SH3D19: variants seen among roughly 807,000 people sequenced by gnomAD.
SH3D19 encodes SH3 domain-containing protein 19.
A neutral mutation model predicts 112.1 loss-of-function variants in SH3D19; 58 were observed. The observed-to-expected ratio is 0.52, with a 90% CI of 0.42 to 0.64. The LOEUF (loss-of-function observed/expected upper bound fraction) is 0.64, where lower values mean the gene tolerates loss of function less well. Among genes scored for constraint, SH3D19 ranks in the 30% least tolerant of loss-of-function variants. The probability of loss-of-function intolerance (pLI) is 0.00; values close to 1 mark genes in which losing one functional copy is unlikely to be tolerated. For synonymous variants in SH3D19, 391 were observed against 448.5 expected, an observed-to-expected ratio of 0.87 and a Z score of 1.62; for missense variants, 1,090 against 1,263.4, an observed-to-expected ratio of 0.86 and a Z score of 2.08.
chr4:151,258,252 T>C (rs1772094989), intron 1 of SH3D19, among the ~76,000 whole-genome samples: 1 of 152,178 alleles, frequency 6.6e-6, no homozygotes, highest in Admixed American at 6.5e-5. Context: ...AGGTAATGAT[T>C]GAGGCACAAA....
At chr4:151,275,527 C>T (rs544950001) in intron 1 of SH3D19, among the ~76,000 whole-genome samples, 2 of 152,142 alleles carry the variant, frequency 1.3e-5, no homozygotes, top group East Asian at 3.9e-4. Flanking sequence ...ATTTTCTGGT[C>T]TTCCATTATT....
At chr4:151,199,153 C>A (rs1305915162) in intron 2 of SH3D19, among the ~76,000 whole-genome samples, 1 of 150,906 alleles carries the variant, frequency 6.6e-6, no homozygotes, top group African/African-American at 2.4e-5. Context: ...CCAAAAGATA[C>A]AGTAAATTTC....
At chr4:151,123,229 G>A (rs1424980488) in intron 19 of SH3D19, among the ~76,000 whole-genome samples, 1 of 152,104 alleles carries the variant, frequency 6.6e-6, no homozygotes, top group Non-Finnish European at 1.5e-5. Flanking sequence ...TGCCAGTGTC[G>A]CATGTCTAGT....
intron 1 of SH3D19, among the ~76,000 whole-genome samples, chr4:151,310,795 C>CTCCTGACCTTAAGCTGGAACG (rs1446496533): frequency 1.3e-5 from 2 of 151,576 alleles, no homozygotes; most frequent in Non-Finnish European, 2.9e-5. Context: ...TGGTCTCGAA[C>CTCCTGACCTTAAGCTGGAACG]TCCTGACCTT....
intron 1 of SH3D19, among the ~76,000 whole-genome samples, chr4:151,260,269 A>T (rs1458653193): frequency 6.6e-6 from 1 of 152,144 alleles, no homozygotes. Flanking sequence ...ATATTTGCTG[A>T]TAACACTCGC....
intron 1 of SH3D19, among the ~76,000 whole-genome samples, chr4:151,254,143 TC>T (rs1771622673): frequency 6.6e-6 from 1 of 152,232 alleles, no homozygotes; most frequent in African/African-American, 2.4e-5. Context: ...AATGAAAATG[TC>T]AGGCAAATGT....
At chr4:151,240,860 G>A (rs999990097) in intron 1 of SH3D19, among the ~76,000 whole-genome samples, 6 of 151,812 alleles carry the variant, frequency 4.0e-5, no homozygotes, top group Non-Finnish European at 7.4e-5. Context: ...AGCATTATTT[G>A]TAATAGCCAA....
At chr4:151,214,362 C>G (rs1367313797) in intron 2 of SH3D19, among the ~76,000 whole-genome samples, 3 of 146,742 alleles carry the variant, frequency 2.0e-5, no homozygotes, top group Non-Finnish European at 4.6e-5. Context: ...TCATCATGGC[C>G]CGTTCTCAAT....
chr4:151,180,704 C>A (rs1208168125), intron 3 of SH3D19, among the ~76,000 whole-genome samples: 1 of 151,530 alleles, frequency 6.6e-6, no homozygotes, highest in Non-Finnish European at 1.5e-5. Context: ...CTGCGCCCGA[C>A]ACATATGGGG....
intron 1 of SH3D19, among the ~76,000 whole-genome samples, chr4:151,301,410 A>G (rs766078368): frequency 6.6e-6 from 1 of 152,204 alleles, no homozygotes; most frequent in Non-Finnish European, 1.5e-5. Context: ...TATTTTTAGT[A>G]GAGACAGGAT....
intron 2 of SH3D19, among the ~76,000 whole-genome samples, chr4:151,222,438 C>T (rs963182963): frequency 6.6e-6 from 1 of 152,164 alleles, no homozygotes; most frequent in Non-Finnish European, 1.5e-5. Context: ...ATCACCCTTA[C>T]ATTAATACTT....
intron 1 of SH3D19, among the ~76,000 whole-genome samples, chr4:151,235,683 G>A (rs1278590065): frequency 6.6e-6 from 1 of 152,194 alleles, no homozygotes; most frequent in Non-Finnish European, 1.5e-5. Context: ...CTACCTGGGA[G>A]GCTGAGGCAT....
chr4:151,120,449 T>C lies in SH3D19; in HGVS notation c.*1642A>G, dbSNP rs1215420998. On this transcript the variant is annotated 3_prime_UTR_variant, in exon 20 of 20. Coordinates refer to ENST00000604030, the MANE Select transcript of SH3D19 (RefSeq NM_001378122.1). ...TGTTAAAATTATAAAGGCAAAGATATATACCTCATGTTCCATTCCATATCC... is the reference window on the plus strand; with the variant it reads ...TGTTAAAATTATAAAGGCAAAGATACATACCTCATGTTCCATTCCATATCC... 1 of 152,566 alleles carries C rather than the reference T, an allele frequency of 6.6e-6. No individual in the cohort carries two copies. Among genetic ancestry groups the C allele is most frequent in the African/African-American group, 2.4e-5 (1 of 41,462 alleles). The allele number at this position is 152,566 out of a possible 1,614,324, so 9.5% of individuals were successfully genotyped here. A position where few individuals can be genotyped will look rare whatever the true frequency, so the allele number is the denominator to read the frequency against.
chr4:151,234,091 T>C (rs1357062772), intron 1 of SH3D19, among the ~76,000 whole-genome samples: 1 of 152,208 alleles, frequency 6.6e-6, no homozygotes, highest in Non-Finnish European at 1.5e-5. Context: ...GTGATTTTGG[T>C]GTCAACTTTC....
intron 1 of SH3D19, chr4:151,279,699 C>A (rs745798739): frequency 8.1e-7 from 1 of 1,232,998 alleles, no homozygotes; most frequent in South Asian, 1.4e-5. Flanking sequence ...GGGTTCAGGT[C>A]CTAGGAATAG....
intron 2 of SH3D19, among the ~76,000 whole-genome samples, chr4:151,198,448 AATAT>A (rs1763900959): frequency 6.9e-6 from 1 of 145,268 alleles, no homozygotes; most frequent in South Asian, 2.1e-4. Flanking sequence ...TATATATAAA[AATAT>A]ATATTTATCT....
At chr4:151,263,120 C>G (rs1316134517) in intron 1 of SH3D19, among the ~76,000 whole-genome samples, 1 of 152,188 alleles carries the variant, frequency 6.6e-6, no homozygotes, top group Non-Finnish European at 1.5e-5. Context: ...TTCCCCCGCA[C>G]AAGTCAGCCT....
At chr4:151,144,164 C>T (rs191498379) in intron 11 of SH3D19, 114 bp from the exon 12 acceptor site, 9 of 1,596,544 alleles carry the variant, frequency 5.6e-6, no homozygotes, top group East Asian at 2.2e-5. Flanking sequence ...ATGGTAGTAA[C>T]AGAGGCCAGT....
chr4:151,229,788 G>A (rs570414559), intron 1 of SH3D19, among the ~76,000 whole-genome samples: 35 of 152,216 alleles, frequency 2.3e-4, no homozygotes, highest in African/African-American at 7.5e-4. Flanking sequence ...GGTGGTGCAC[G>A]CCTGTAATCC....
Sources: allele counts gnomAD v4.1 joint callset (sites outside exome capture counted in the v4.1 genomes callset), GRCh38; gene constraint gnomAD v4.1.1; transcripts MANE v1.5; gene names NCBI Gene and HGNC (gene_info 2026-07-23, HGNC 2026-07-21).